The following RIT2 variants were observed in gnomAD, a reference collection of about 807,000 sequenced individuals.
The protein encoded by RIT2 is Ras like without CAAX 2, also known as GTP-binding protein Rit2.
RIT2 carries 24 observed loss-of-function variants against 23.7 expected under a neutral mutation model. That is an observed-to-expected ratio of 1.01 (90% CI 0.73 to 1.43). The LOEUF is 1.43. Among genes scored for constraint, RIT2 ranks in the 40% most tolerant of loss-of-function variants. The pLI is 0.00. For missense variants in RIT2, 236 were observed against 266.9 expected (o/e 0.88, Z 0.81); for synonymous variants, 107 against 91.1 (o/e 1.17, Z -0.99).
intron 4 of RIT2, among the ~76,000 whole-genome samples, chr18:42,811,441 G>A (rs1439023960): frequency 6.6e-6 from 1 of 152,036 alleles, no homozygotes; most frequent in Non-Finnish European, 1.5e-5. Context: ...ACCAAGATGA[G>A]ACAGAACCAT....
At chr18:43,083,078 T>C (rs557823487) in intron 1 of RIT2, among the ~76,000 whole-genome samples, 80 of 152,046 alleles carry the variant, frequency 5.3e-4, no homozygotes, top group Non-Finnish European at 7.5e-4. Flanking sequence ...CATTCCTATA[T>C]ACCAATAATA....
intron 2 of RIT2, among the ~76,000 whole-genome samples, chr18:43,031,774 G>A (rs1911859220): frequency 6.6e-6 from 1 of 151,924 alleles, no homozygotes; most frequent in Non-Finnish European, 1.5e-5. Context: ...CAGTCAGTAG[G>A]GTAACAAACA....
intron 1 of RIT2, among the ~76,000 whole-genome samples, chr18:43,087,280 A>T (rs1913306951): frequency 6.6e-6 from 1 of 152,076 alleles, no homozygotes; most frequent in African/African-American, 2.4e-5. Flanking sequence ...AAGAGTAGGT[A>T]TTCATGACTC....
chr18:43,027,814 G>A (rs1237646631), intron 2 of RIT2, among the ~76,000 whole-genome samples: 1 of 152,034 alleles, frequency 6.6e-6, no homozygotes, highest in Non-Finnish European at 1.5e-5. Flanking sequence ...TTCATAAAAG[G>A]TTTAGGTTTA....
intron 4 of RIT2, 100 bp downstream of exon 4, chr18:42,923,472 T>C: frequency 1.0e-6 from 1 of 965,418 alleles, no homozygotes; most frequent in East Asian, 2.4e-5. Flanking sequence ...CATAATTTCT[T>C]TCTCATAATT....
chr18:43,027,014 A>C (rs1911748444), intron 2 of RIT2, among the ~76,000 whole-genome samples: 1 of 152,160 alleles, frequency 6.6e-6, no homozygotes, highest in Admixed American at 6.6e-5. Flanking sequence ...AAATCAAGCG[A>C]GTATGATATG....
chr18:42,940,352 A>G (rs1361094869), intron 3 of RIT2, among the ~76,000 whole-genome samples: 1 of 146,914 alleles, frequency 6.8e-6, no homozygotes, highest in Admixed American at 6.9e-5. Context: ...AAATAACATT[A>G]TTATGTATTC....
In RIT2 at chr18:43,074,302, C is replaced by T. The variant is rs147420858; in HGVS notation, c.104-40435G>A. ...CTGCATATCTTCAGATTTTTCTTTG[C>T]GTATGTTTGTAGGCATTCATTTGTG... On this transcript the variant is annotated intron_variant, in intron 1 of 4. Coordinates refer to ENST00000326695, the MANE Select transcript of RIT2 (RefSeq NM_002930.4). Among the ~76,000 whole-genome samples, 5 of 152,170 alleles carry T rather than the reference C, an allele frequency of 3.3e-5. No homozygotes were observed. The East Asian group carries it at 7.7e-4, about 24-fold the overall frequency.
intron 4 of RIT2, among the ~76,000 whole-genome samples, chr18:42,832,454 T>C (rs1248964473): frequency 3.9e-5 from 6 of 152,158 alleles, no homozygotes; most frequent in Non-Finnish European, 5.9e-5. Context: ...CAAAACCTGA[T>C]TTCCAAGCAA....
chr18:42,858,345 G>T (rs1907241243), intron 4 of RIT2, among the ~76,000 whole-genome samples: 1 of 152,160 alleles, frequency 6.6e-6, no homozygotes, highest in Non-Finnish European at 1.5e-5. Context: ...AGGAGTAGAG[G>T]CACTTTGCAC....
intron 2 of RIT2, among the ~76,000 whole-genome samples, chr18:43,002,882 G>A (rs902695560): frequency 3.3e-5 from 5 of 151,930 alleles, no homozygotes; most frequent in Non-Finnish European, 4.4e-5. Flanking sequence ...GGATTATCCA[G>A]GTGTGACCAA....
At chr18:43,003,761 GACACACACACACACACACACACAC>G (rs56860348) in intron 2 of RIT2, among the ~76,000 whole-genome samples, 1,446 of 129,586 alleles carry the variant, frequency 0.011, 25 homozygotes, top group African/African-American at 0.039. Context: ...CCTCCTCAGT[GACACACACACACACACACACACAC>G]ACACACACAC....
chr18:43,102,445 C>CAGGG, intron 1 of RIT2, among the ~76,000 whole-genome samples: 1 of 109,932 alleles, frequency 9.1e-6, no homozygotes, highest in Admixed American at 9.2e-5. Context: ...TCAGGAAACC[C>CAGGG]TTTTTTTTTT....
intron 2 of RIT2, among the ~76,000 whole-genome samples, chr18:42,975,010 G>GT (rs1340220361): frequency 1.3e-5 from 2 of 151,936 alleles, no homozygotes; most frequent in African/African-American, 2.4e-5. Flanking sequence ...TGGTAATTCT[G>GT]TTTTTTTGTT....
chr18:42,885,592 AAAT>A (rs1398754619), intron 4 of RIT2, among the ~76,000 whole-genome samples: 3 of 152,018 alleles, frequency 2.0e-5, no homozygotes, highest in African/African-American at 7.2e-5. Flanking sequence ...TCTCAAAAAA[AAAT>A]AATAATAATA....
intron 1 of RIT2, among the ~76,000 whole-genome samples, chr18:43,040,440 G>A (rs1314956491): frequency 1.3e-5 from 2 of 152,256 alleles, no homozygotes; most frequent in Admixed American, 6.5e-5. Context: ...AGTTATGCTG[G>A]AAGATGACCA....
chr18:42,766,566 G>C (rs1913426249), intron 4 of RIT2, among the ~76,000 whole-genome samples: 1 of 152,190 alleles, frequency 6.6e-6, no homozygotes, highest in South Asian at 2.1e-4. Context: ...AAAATTAGCA[G>C]CCTGACTATG....
At chr18:42,770,862 C>T (rs929827559) in intron 4 of RIT2, among the ~76,000 whole-genome samples, 1 of 151,194 alleles carries the variant, frequency 6.6e-6, no homozygotes, top group African/African-American at 2.4e-5. Context: ...GGAAAGGACT[C>T]AATCCATTAC....
chr18:42,841,732 A>G (rs1288184116), intron 4 of RIT2, among the ~76,000 whole-genome samples: 1 of 152,146 alleles, frequency 6.6e-6, no homozygotes, highest in African/African-American at 2.4e-5. Context: ...TGTGGATGTT[A>G]ATGTTTACTT....
Sources: gnomAD v4.1 joint callset for allele counts (sites outside exome capture counted in the v4.1 genomes callset) on GRCh38, gnomAD v4.1.1 for gene constraint, MANE v1.5 for transcripts, NCBI Gene and HGNC (gene_info 2026-07-23, HGNC 2026-07-21) for gene names.